Variants in STIM2 observed in about 807,000 individuals in gnomAD.
The protein encoded by STIM2 is stromal interaction molecule 2.
In STIM2, 31 loss-of-function variants were observed where a neutral mutation model predicts 85.8. The observed-to-expected ratio is 0.36, with a 90% CI of 0.27 to 0.49. The LOEUF is 0.49. Ranked by LOEUF, STIM2 falls within the 20% of genes least tolerant of loss-of-function variation. STIM2 has a pLI of 0.98. For missense variants in STIM2, 841 were observed against 927.6 expected (o/e 0.91, Z 1.21); for synonymous variants, 356 against 331.1 (o/e 1.08, Z -0.82).
chr4:26,999,682 C>T (rs1389017790), intron 5 of STIM2, among the ~76,000 whole-genome samples: 1 of 152,090 alleles, frequency 6.6e-6, no homozygotes, highest in Non-Finnish European at 1.5e-5. Flanking sequence ...TGAGGAATCT[C>T]TTAAAAAATA....
At chr4:26,951,585 T>C (rs908603635) in intron 2 of STIM2, among the ~76,000 whole-genome samples, 1 of 152,136 alleles carries the variant, frequency 6.6e-6, no homozygotes, top group African/African-American at 2.4e-5. Flanking sequence ...TTTAGTTGTT[T>C]TTTGAGGGCC....
rs1723365115 is a variant in STIM2, at chr4:26,889,066, A to T, written c.151+27697A>T. On this transcript the variant is annotated intron_variant, in intron 1 of 11. Transcript: ENST00000467087. ...AATAAGGCCTCTAGACCAGCAGAGG[A>T]TAAGGTTAAAGAATAGGCAACAAAA... is the stretch of plus-strand genomic sequence containing the variant. Among the ~76,000 whole-genome samples, 3 of 152,278 alleles carry T rather than the reference A, an allele frequency of 2.0e-5. No homozygotes were observed. The South Asian group carries it at 6.2e-4, about 32-fold the overall frequency.
chr4:27,007,057 T>C (rs1179795543), intron 7 of STIM2, among the ~76,000 whole-genome samples: 1 of 152,202 alleles, frequency 6.6e-6, no homozygotes, highest in Non-Finnish European at 1.5e-5. Context: ...CTGGAAACAT[T>C]AGGAGGAGGA....
At chr4:26,997,706 A>G (rs1048497449) in intron 4 of STIM2, among the ~76,000 whole-genome samples, 3 of 152,230 alleles carry the variant, frequency 2.0e-5, no homozygotes, top group Non-Finnish European at 2.9e-5. Context: ...TTTGGCAAGT[A>G]CTACATTAGG....
At chr4:26,893,980 C>T (rs191323021) in intron 1 of STIM2, among the ~76,000 whole-genome samples, 1 of 152,164 alleles carries the variant, frequency 6.6e-6, no homozygotes, top group East Asian at 1.9e-4. Flanking sequence ...CCTCTGCCTC[C>T]CGGGTTCAAG....
intron 3 of STIM2, among the ~76,000 whole-genome samples, chr4:26,970,217 A>G (rs1560224018): frequency 2.6e-3 from 25 of 9,630 alleles, no homozygotes; most frequent in African/African-American, 6.1e-3. Flanking sequence ...ATATATATAT[A>G]TATATGTATA....
intron 1 of STIM2, among the ~76,000 whole-genome samples, chr4:26,886,903 G>T (rs756605922): frequency 3.0e-4 from 46 of 152,208 alleles, no homozygotes; most frequent in Non-Finnish European, 5.9e-4. Flanking sequence ...GTAGGCTTTT[G>T]TCCGGGGAGA....
At chr4:27,001,402 G>A (rs1044724982) in intron 5 of STIM2, among the ~76,000 whole-genome samples, 2 of 152,118 alleles carry the variant, frequency 1.3e-5, no homozygotes, top group South Asian at 4.2e-4. Context: ...ACATAAGGCT[G>A]GGGGTTAACA....
Position 26,950,781 on chromosome 4 carries a change from A to G in STIM2, c.283-6831A>G, listed in dbSNP as rs1305170243. Among the ~76,000 whole-genome samples, 7 of 152,296 alleles carry G rather than the reference A, an allele frequency of 4.6e-5. No individual in the cohort carries two copies. The East Asian group carries it at 5.8e-4, about 13-fold the overall frequency. Reference sequence around the variant, plus strand: ...AGAATGCCTCCTTTCATGTGACCCTATGACTCTGGGAATGCTGTGTTGTTC... The same window carrying G: ...AGAATGCCTCCTTTCATGTGACCCTGTGACTCTGGGAATGCTGTGTTGTTC... On this transcript the variant is annotated intron_variant, in intron 2 of 11. Coordinates refer to ENST00000467087, the MANE Select transcript of STIM2 (RefSeq NM_020860.4).
chr4:26,928,127 A>G (rs1309525082), intron 2 of STIM2, among the ~76,000 whole-genome samples: 1 of 151,950 alleles, frequency 6.6e-6, no homozygotes, highest in Non-Finnish European at 1.5e-5. Context: ...CAAGAGGCAA[A>G]AGGTGTGTAA....
chr4:26,930,757 G>T (rs2109074150), intron 2 of STIM2, among the ~76,000 whole-genome samples: 2 of 152,230 alleles, frequency 1.3e-5, no homozygotes, highest in Middle Eastern at 6.8e-3. Context: ...TGAATTATGT[G>T]GGGTATTGTG....
intron 1 of STIM2, among the ~76,000 whole-genome samples, chr4:26,913,203 G>A (rs1298956616): frequency 6.6e-6 from 1 of 152,070 alleles, no homozygotes. Flanking sequence ...ACATGTAAAA[G>A]TCAGGCAAAG....
chr4:26,880,680 T>C (rs1722980236), intron 1 of STIM2, among the ~76,000 whole-genome samples: 1 of 142,750 alleles, frequency 7.0e-6, no homozygotes, highest in Admixed American at 7.0e-5. Flanking sequence ...AATATATATG[T>C]AAATATATAT....
At chr4:26,923,691 A>G (rs1310152450) in intron 2 of STIM2, among the ~76,000 whole-genome samples, 8 of 60,564 alleles carry the variant, frequency 1.3e-4, no homozygotes, top group African/African-American at 4.0e-4. Context: ...AACTTTAAAT[A>G]TAAATGGACT....
intron 3 of STIM2, among the ~76,000 whole-genome samples, chr4:26,974,627 C>G (rs2109107668): frequency 6.6e-6 from 1 of 152,278 alleles, no homozygotes; most frequent in African/African-American, 2.4e-5. Flanking sequence ...TGATGGGCTT[C>G]CCTTTGTGGG....
intron 3 of STIM2, among the ~76,000 whole-genome samples, chr4:26,985,244 GAA>G (rs894009387): frequency 1.3e-5 from 2 of 152,144 alleles, no homozygotes; most frequent in African/African-American, 4.8e-5. Context: ...TTTTAGATTT[GAA>G]AAGTTATTAT....
chr4:26,903,573 A>T (rs1724007848), intron 1 of STIM2, among the ~76,000 whole-genome samples: 1 of 152,208 alleles, frequency 6.6e-6, no homozygotes, highest in South Asian at 2.1e-4. Context: ...ATAAAATTAT[A>T]AAAAGATAGA....
Position 27,023,008 on chromosome 4 carries a change from T to C in STIM2, c.*12T>C. The C allele has an allele frequency of 6.2e-7, 1 of 1,603,304 alleles. No homozygotes were observed. On this transcript the variant is annotated 3_prime_UTR_variant, in exon 12 of 12. Coordinates refer to ENST00000467087, the MANE Select transcript of STIM2 (RefSeq NM_020860.4). ...AGAAATCTAAGTGAACTGGCTGACT[T>C]GATGGAATCATGTTCAAGTGGCATC...
At chr4:27,014,429 G>T (rs1728665950) in intron 10 of STIM2, among the ~76,000 whole-genome samples, 1 of 150,346 alleles carries the variant, frequency 6.7e-6, no homozygotes, top group Non-Finnish European at 1.5e-5. Context: ...CTTGAAATAT[G>T]AATTATCTAG....
Sources: gnomAD v4.1 joint callset for allele counts (sites outside exome capture counted in the v4.1 genomes callset) on GRCh38, gnomAD v4.1.1 for gene constraint, MANE v1.5 for transcripts, NCBI Gene and HGNC (gene_info 2026-07-23, HGNC 2026-07-21) for gene names.